The following MAGI2 variants were observed in gnomAD, a reference collection of about 807,000 sequenced individuals.
MAGI2 encodes the protein membrane associated guanylate kinase, WW and PDZ domain containing 2, also known as membrane-associated guanylate kinase, WW and PDZ domain-containing protein 2.
In MAGI2, 35 loss-of-function variants were observed where a neutral mutation model predicts 133.3. The ratio of observed to expected loss-of-function variants is 0.26; its 90% CI spans 0.20 to 0.35. The LOEUF (loss-of-function observed/expected upper bound fraction) is 0.35, where lower values mean the gene tolerates loss of function less well. Among genes scored for constraint, MAGI2 ranks in the 10% least tolerant of loss-of-function variants. The pLI is 1.00. For synonymous variants in MAGI2, 729 were observed against 710.6 expected (o/e 1.03, Z -0.41); for missense variants, 1,636 against 1,863.4 (o/e 0.88, Z 2.25).
At chr7:79,398,510 C>A (rs902631520) in intron 1 of MAGI2, among the ~76,000 whole-genome samples, 1 of 152,304 alleles carries the variant, frequency 6.6e-6, no homozygotes, top group Admixed American at 6.5e-5. Context: ...GGATAAAAAG[C>A]AGCCAAGAAT....
At chr7:79,132,989 G>C (rs1283316799) in intron 1 of MAGI2, among the ~76,000 whole-genome samples, 1 of 151,930 alleles carries the variant, frequency 6.6e-6, no homozygotes, top group Non-Finnish European at 1.5e-5. Flanking sequence ...TCCACTTTTT[G>C]ATGGGATATT....
intron 2 of MAGI2, among the ~76,000 whole-genome samples, chr7:78,935,915 A>T (rs1201713082): frequency 6.6e-6 from 1 of 152,004 alleles, no homozygotes; most frequent in Non-Finnish European, 1.5e-5. Flanking sequence ...CAACCATCAC[A>T]TCCAACTTAA....
intron 1 of MAGI2, among the ~76,000 whole-genome samples, chr7:79,200,267 T>C (rs1828473785): frequency 6.6e-6 from 1 of 151,968 alleles, no homozygotes; most frequent in African/African-American, 2.4e-5. Context: ...AGGCTAACTT[T>C]CTTACATGCA....
In MAGI2 at chr7:78,532,184, C is replaced by G. The variant is rs562661219; in HGVS notation, c.539-10539G>C. On this transcript the variant is annotated intron_variant, in intron 3 of 21. Coordinates refer to ENST00000354212, the MANE Select transcript of MAGI2 (RefSeq NM_012301.4). Reference sequence around the variant, plus strand: ...TAGGACATACCTCTAAAATGCTCCTCACCTCCAAAATTCTGTAATGAAAAA... The same window carrying G: ...TAGGACATACCTCTAAAATGCTCCTGACCTCCAAAATTCTGTAATGAAAAA... Among the ~76,000 whole-genome samples, 144 of 152,298 alleles carry G rather than the reference C, an allele frequency of 9.5e-4. 2 individuals are homozygous for G. Among genetic ancestry groups the G allele is most frequent in the African/African-American group, 2.8e-3 (117 of 41,570 alleles).
At chr7:78,609,859 A>G (rs1019836435) in intron 3 of MAGI2, among the ~76,000 whole-genome samples, 1 of 152,108 alleles carries the variant, frequency 6.6e-6, no homozygotes, top group South Asian at 2.1e-4. Flanking sequence ...CCCAGCCAAC[A>G]CTGTAACTCC....
At chr7:78,463,858 T>G (rs1443295738) in intron 6 of MAGI2, among the ~76,000 whole-genome samples, 1 of 152,024 alleles carries the variant, frequency 6.6e-6, no homozygotes, top group Non-Finnish European at 1.5e-5. Context: ...AAGAGTTAAA[T>G]AAATGTTTGC....
At chr7:79,058,617 G>C (rs573779272) in intron 1 of MAGI2, among the ~76,000 whole-genome samples, 40 of 152,150 alleles carry the variant, frequency 2.6e-4, no homozygotes, top group African/African-American at 9.2e-4. Context: ...TTATTACAAG[G>C]GGTGACATTA....
intron 1 of MAGI2, among the ~76,000 whole-genome samples, chr7:79,153,320 CACTGGCG>C (rs1176137844): frequency 6.6e-6 from 1 of 152,126 alleles, no homozygotes. Context: ...CTCTGAGCAC[CACTGGCG>C]AGCAGCAGAC....
intron 3 of MAGI2, among the ~76,000 whole-genome samples, chr7:78,599,345 A>G (rs909044959): frequency 6.6e-5 from 10 of 152,140 alleles, no homozygotes; most frequent in East Asian, 1.9e-4. Context: ...TCTTACTACA[A>G]TAACAATTAT....
At chr7:78,447,668 A>G (rs751312783) in intron 6 of MAGI2, among the ~76,000 whole-genome samples, 4 of 152,166 alleles carry the variant, frequency 2.6e-5, no homozygotes, top group Admixed American at 6.6e-5. Flanking sequence ...GAGGCCTAAG[A>G]AATCATCTGC....
chr7:79,238,047 G>A (rs576838407), intron 1 of MAGI2, among the ~76,000 whole-genome samples: 3 of 152,088 alleles, frequency 2.0e-5, no homozygotes, highest in Non-Finnish European at 2.9e-5. Context: ...TTGAAATTAG[G>A]ATTTTCAGTA....
chr7:79,030,749 C>G (rs13438576), intron 1 of MAGI2, among the ~76,000 whole-genome samples: 43,099 of 151,958 alleles, frequency 0.28, 6,238 homozygotes, highest in Middle Eastern at 0.36. Flanking sequence ...CTCTGAAAAT[C>G]AAAACAGAAA....
intron 6 of MAGI2, among the ~76,000 whole-genome samples, chr7:78,387,268 T>C (rs1167085482): frequency 6.6e-6 from 1 of 152,144 alleles, no homozygotes; most frequent in Non-Finnish European, 1.5e-5. Context: ...GGACTCAGGG[T>C]GTGAAGTCTT....
rs541491541 is a variant in MAGI2, at chr7:78,907,261, C to T, written c.418+99829G>A. 2.0e-5 allele frequency among the ~76,000 whole-genome samples: 3 copies of T among 152,266 alleles called. No homozygotes were observed. In the East Asian group the frequency reaches 5.8e-4, roughly 30 times the overall value. ...AAGGGGTCCCTTTGTTATCTTTGGTCAGATTCCTTAATACCAGATGTTAAA... is the reference window on the plus strand; with the variant it reads ...AAGGGGTCCCTTTGTTATCTTTGGTTAGATTCCTTAATACCAGATGTTAAA... On this transcript the variant is annotated intron_variant, in intron 2 of 21. Coordinates refer to ENST00000354212, the MANE Select transcript of MAGI2 (RefSeq NM_012301.4).
At position 78,160,130 on chromosome 7, in the gene MAGI2, G is replaced by A. The variant is rs976836219; in HGVS notation, c.2740C>T (p.His914Tyr). Residue 914 changes from histidine (H) to tyrosine (Y), a missense_variant, in exon 16 of 22, where the codon CAC (histidine) becomes TAC (tyrosine). By Grantham distance (83) the His-to-Tyr change is moderately conservative. This residue lies in a region of MAGI2 where 920 missense variants were observed against 1,093.5 expected (regional missense o/e 0.84). Coordinates refer to ENST00000354212, the MANE Select transcript of MAGI2 (RefSeq NM_012301.4). ...ACCACATCACTGGTCTGCAGGCTGT[G>A]GGAGGCGAAGCCTTCAGGGGGAGAG... is the stretch of plus-strand genomic sequence containing the variant. ...NASPPEGFASHSLQTSDVVIH... is the reference protein window; with the variant it reads ...NASPPEGFASYSLQTSDVVIH... 6.2e-7 allele frequency: 1 copy of A among 1,612,044 alleles called. No homozygotes were observed. The highest frequency in any genetic ancestry group is 1.3e-5 in the African/African-American group (1 of 74,936).
At chr7:79,308,006 A>G (rs1461466241) in intron 1 of MAGI2, among the ~76,000 whole-genome samples, 1 of 152,104 alleles carries the variant, frequency 6.6e-6, no homozygotes, top group African/African-American at 2.4e-5. Flanking sequence ...GGCTAAATAG[A>G]TTTTCAAGTT....
At chr7:79,234,353 T>C (rs908791722) in intron 1 of MAGI2, among the ~76,000 whole-genome samples, 17 of 151,798 alleles carry the variant, frequency 1.1e-4, no homozygotes, top group Admixed American at 2.0e-4. Flanking sequence ...CCTTGTTAGA[T>C]TGGGGAAGTT....
chr7:78,620,953 G>T (rs1297764148), intron 3 of MAGI2, among the ~76,000 whole-genome samples: 1 of 151,976 alleles, frequency 6.6e-6, no homozygotes, highest in Non-Finnish European at 1.5e-5. Flanking sequence ...ATCAGGGGAG[G>T]TAGGTTTAGT....
chr7:78,794,431 T>A (rs999289935), intron 2 of MAGI2, among the ~76,000 whole-genome samples: 2 of 152,198 alleles, frequency 1.3e-5, no homozygotes, highest in Admixed American at 6.5e-5. Flanking sequence ...AAATTGTCAA[T>A]GGAAATTTTT....
Sources: allele counts gnomAD v4.1 joint callset (sites outside exome capture counted in the v4.1 genomes callset), GRCh38; gene constraint gnomAD v4.1.1; regional missense constraint gnomAD v4.1.1; transcripts MANE v1.5; gene names NCBI Gene and HGNC (gene_info 2026-07-23, HGNC 2026-07-21).